The following TGFBR2 variants were observed in gnomAD, a reference collection of about 807,000 sequenced individuals.
The protein encoded by TGFBR2 is TGF-beta receptor type-2.
A neutral mutation model predicts 49.0 loss-of-function variants in TGFBR2; 18 were observed. That is an observed-to-expected ratio of 0.37 (90% CI 0.25 to 0.54). The LOEUF (loss-of-function observed/expected upper bound fraction) is 0.54. Among genes scored for constraint, TGFBR2 ranks in the 20% least tolerant of loss-of-function variants. TGFBR2 has a pLI of 0.85. For missense variants in TGFBR2, 525 were observed against 722.6 expected, an observed-to-expected ratio of 0.73 and a Z score of 3.13; for synonymous variants, 282 against 275.9, an observed-to-expected ratio of 1.02 and a Z score of -0.22.
At position 30,669,063 on chromosome 3, in the gene TGFBR2, G is replaced by A. The variant is rs140768703; in HGVS notation, c.455-2575G>A. ...GAGGCCAAGGCGGGCAGATCACAAG[G>A]TCAGGAGTTCAAGACCAGCCTGGCC... On this transcript the variant is annotated intron_variant, in intron 3 of 6. Coordinates refer to ENST00000295754, the MANE Select transcript of TGFBR2 (RefSeq NM_003242.6). 9.6e-3 allele frequency among the ~76,000 whole-genome samples: 1,327 copies of A among 137,864 alleles called. 20 individuals carry two copies. Among genetic ancestry groups the A allele is most frequent in the African/African-American group, 0.036 (1,274 of 35,464 alleles). The allele number at this position is 137,864 out of a possible 152,430, so 90.4% of individuals were successfully genotyped here.
chr3:30,636,148 T>C (rs1456314893), intron 1 of TGFBR2, among the ~76,000 whole-genome samples: 1 of 140,118 alleles, frequency 7.1e-6, no homozygotes, highest in Non-Finnish European at 1.5e-5. Flanking sequence ...TGTGAAAATA[T>C]ATATGTATGT....
intron 3 of TGFBR2, among the ~76,000 whole-genome samples, chr3:30,663,145 A>G (rs957892466): frequency 2.6e-5 from 4 of 152,194 alleles, no homozygotes; most frequent in African/African-American, 9.7e-5. Context: ...ACTCTGCAAT[A>G]TGAAGCATAT....
At chr3:30,664,951 C>T (rs1699217726) in intron 3 of TGFBR2, among the ~76,000 whole-genome samples, 1 of 152,206 alleles carries the variant, frequency 6.6e-6, no homozygotes, top group East Asian at 1.9e-4. Context: ...GCAATTCCTC[C>T]ACTCGGTAAA....
chr3:30,657,383 A>T (rs1410237338), intron 3 of TGFBR2, among the ~76,000 whole-genome samples: 7 of 152,136 alleles, frequency 4.6e-5, no homozygotes, highest in Admixed American at 6.5e-5. Flanking sequence ...ATGTGTATAA[A>T]CGATGGCCAG....
At chr3:30,622,667 G>T (rs968028096) in intron 1 of TGFBR2, among the ~76,000 whole-genome samples, 3 of 152,088 alleles carry the variant, frequency 2.0e-5, no homozygotes, top group East Asian at 1.9e-4. Flanking sequence ...GGATCACGAG[G>T]TCAGGAGTTT....
intron 1 of TGFBR2, among the ~76,000 whole-genome samples, chr3:30,636,690 C>T (rs1394904515): frequency 6.6e-6 from 1 of 151,892 alleles, no homozygotes; most frequent in Non-Finnish European, 1.5e-5. Context: ...CTTGCATCTA[C>T]TCCCAGAGAC....
chr3:30,679,299 G>A (rs1308627115), intron 5 of TGFBR2, among the ~76,000 whole-genome samples: 3 of 152,176 alleles, frequency 2.0e-5, no homozygotes, highest in South Asian at 2.1e-4. Context: ...AAAGGAAGAG[G>A]AAGACTCTGG....
intron 6 of TGFBR2, 99 bp downstream of exon 6, chr3:30,688,610 T>A: frequency 6.6e-7 from 1 of 1,515,948 alleles, no homozygotes; most frequent in Non-Finnish European, 9.0e-7. Context: ...TGAGGGAAGG[T>A]CCCATTGTGT....
At chr3:30,681,610 G>A (rs975591215) in intron 5 of TGFBR2, among the ~76,000 whole-genome samples, 12 of 152,164 alleles carry the variant, frequency 7.9e-5, no homozygotes, top group African/African-American at 2.7e-4. Flanking sequence ...GAGAGGTGGC[G>A]GGAGGGAGAT....
rs148028684 is a variant in TGFBR2 at position 30,679,604 on chromosome 3, A to G, written c.1396+5358A>G. Among the ~76,000 whole-genome samples the G allele has an allele frequency of 7.9e-5, 12 of 152,312 alleles. No homozygotes were observed. In the East Asian group the frequency reaches 2.3e-3, roughly 29 times the overall value. ...AGATAAAGAAAGCCATAAAGGAATA[A>G]TTACCACTTCTTAAGCACTTGCTCC... On this transcript the variant is annotated intron_variant, in intron 5 of 6. Coordinates refer to ENST00000295754, the MANE Select transcript of TGFBR2 (RefSeq NM_003242.6).
intron 3 of TGFBR2, among the ~76,000 whole-genome samples, chr3:30,651,681 T>G (rs1310948108): frequency 1.3e-5 from 2 of 152,250 alleles, no homozygotes. Context: ...TCTCATGCAT[T>G]TGTGCTAATA....
At chr3:30,610,306 C>A (rs1698004614) in intron 1 of TGFBR2, among the ~76,000 whole-genome samples, 1 of 124,346 alleles carries the variant, frequency 8.0e-6, no homozygotes, top group Non-Finnish European at 1.7e-5. Context: ...ATTTTCTACA[C>A]CTCATTTTCA....
chr3:30,688,516 GGAGT>G lies in TGFBR2; in HGVS notation c.1524+11_1524+14del. The G allele has an allele frequency of 1.2e-6, 2 of 1,614,172 alleles. No homozygotes were observed. The highest frequency in any genetic ancestry group is 1.7e-6 in the Non-Finnish European group (2 of 1,179,994). Reference sequence around the variant, plus strand: ...AGCTTCTGGCTCAACCACCAGGTAAGGAGTGAGTGTTTACAAAGGTCAGTAAGAT... The same window carrying G: ...AGCTTCTGGCTCAACCACCAGGTAAGGAGTGTTTACAAAGGTCAGTAAGAT... On this transcript the variant is annotated splice_donor_region_variant and intron_variant, in intron 6 of 6. Coordinates refer to ENST00000295754, the MANE Select transcript of TGFBR2 (RefSeq NM_003242.6).
intron 3 of TGFBR2, among the ~76,000 whole-genome samples, chr3:30,662,031 G>T (rs1219975215): frequency 6.6e-6 from 1 of 152,042 alleles, no homozygotes; most frequent in African/African-American, 2.4e-5. Flanking sequence ...ATGATCTAGG[G>T]GTTGTGAGTT....
chr3:30,669,793 CTT>C (rs17026125), intron 3 of TGFBR2, among the ~76,000 whole-genome samples: 4,241 of 146,952 alleles, frequency 0.029, 82 homozygotes, highest in Non-Finnish European at 0.041. Context: ...ACAGGCTGCT[CTT>C]TGTTAGAAAA....
intron 1 of TGFBR2, among the ~76,000 whole-genome samples, chr3:30,624,586 A>G (rs1451042161): frequency 6.6e-6 from 1 of 152,054 alleles, no homozygotes; most frequent in African/African-American, 2.4e-5. Flanking sequence ...ACTGCACTCC[A>G]GCCTGGCGAC....
intron 3 of TGFBR2, among the ~76,000 whole-genome samples, chr3:30,670,015 A>G (rs1296504183): frequency 6.6e-6 from 1 of 152,096 alleles, no homozygotes; most frequent in Non-Finnish European, 1.5e-5. Context: ...TGTAGGTGAA[A>G]ACTGACAAAT....
At chr3:30,615,380 C>T (rs1265844455) in intron 1 of TGFBR2, among the ~76,000 whole-genome samples, 1 of 152,164 alleles carries the variant, frequency 6.6e-6, no homozygotes, top group East Asian at 1.9e-4. Flanking sequence ...CTGAATCTTA[C>T]AGCTCACATA....
chr3:30,614,398 G>A (rs528317134), intron 1 of TGFBR2, among the ~76,000 whole-genome samples: 96 of 152,194 alleles, frequency 6.3e-4, no homozygotes, highest in African/African-American at 2.2e-3. Context: ...AAGAAGATAT[G>A]GGTTGGGTGC....
Sources: gnomAD v4.1 joint callset for allele counts (sites outside exome capture counted in the v4.1 genomes callset) on GRCh38, gnomAD v4.1.1 for gene constraint, MANE v1.5 for transcripts, NCBI Gene and HGNC (gene_info 2026-07-23, HGNC 2026-07-21) for gene names.